The following CNTNAP2 variants were observed in gnomAD, a reference collection of about 807,000 sequenced individuals.
The protein encoded by CNTNAP2 is contactin-associated protein-like 2.
CNTNAP2 carries 98 observed loss-of-function variants against 155.2 expected under a neutral mutation model. That is an observed-to-expected ratio of 0.63 (90% CI 0.54 to 0.75). The LOEUF is 0.75. Among genes scored for constraint, CNTNAP2 ranks in the 30% least tolerant of loss-of-function variants. The probability of loss-of-function intolerance (pLI) is 0.00; values close to 1 mark genes in which losing one functional copy is unlikely to be tolerated. For synonymous variants in CNTNAP2, 651 were observed against 631.2 expected, an observed-to-expected ratio of 1.03 and a Z score of -0.47; for missense variants, 1,727 against 1,688.1, an observed-to-expected ratio of 1.02 and a Z score of -0.40.
intron 1 of CNTNAP2, among the ~76,000 whole-genome samples, chr7:146,163,473 CTATA>C (rs1447334781): frequency 6.8e-6 from 1 of 146,028 alleles, no homozygotes; most frequent in Non-Finnish European, 1.5e-5. Context: ...TTATATATAT[CTATA>C]TATATCTATC....
chr7:147,320,832 G>C (rs1306051224), intron 9 of CNTNAP2, among the ~76,000 whole-genome samples: 2 of 152,144 alleles, frequency 1.3e-5, no homozygotes, highest in African/African-American at 4.8e-5. Context: ...TATCTGAGAA[G>C]GGCATTCTGC....
At chr7:147,148,663 G>T (rs1028929218) in intron 8 of CNTNAP2, among the ~76,000 whole-genome samples, 1 of 152,180 alleles carries the variant, frequency 6.6e-6, no homozygotes, top group African/African-American at 2.4e-5. Context: ...CTTCCTTCCT[G>T]TGGGTTCGTG....
chr7:146,217,726 GA>G (rs1335601526), intron 1 of CNTNAP2, among the ~76,000 whole-genome samples: 1 of 152,138 alleles, frequency 6.6e-6, no homozygotes, highest in Non-Finnish European at 1.5e-5. Flanking sequence ...TGGGTGGGGG[GA>G]TTGAGACTGA....
chr7:148,105,289 G>A (rs1804183317), intron 15 of CNTNAP2, among the ~76,000 whole-genome samples: 1 of 152,142 alleles, frequency 6.6e-6, no homozygotes, highest in Admixed American at 6.5e-5. Flanking sequence ...TATATGAACT[G>A]AGAGAGAGAA....
At chr7:146,916,900 G>A (rs1424030978) in intron 3 of CNTNAP2, among the ~76,000 whole-genome samples, 3 of 152,046 alleles carry the variant, frequency 2.0e-5, no homozygotes, top group Non-Finnish European at 4.4e-5. Context: ...CCTCCTTGAG[G>A]TGTGACCTTA....
intron 1 of CNTNAP2, among the ~76,000 whole-genome samples, chr7:146,326,839 C>G (rs906988346): frequency 2.6e-5 from 4 of 152,190 alleles, no homozygotes; most frequent in African/African-American, 9.7e-5. Flanking sequence ...AGTTGGTTAA[C>G]ATGCTGTAAA....
At chr7:146,134,689 C>T (rs1272703496) in intron 1 of CNTNAP2, among the ~76,000 whole-genome samples, 28 of 149,922 alleles carry the variant, frequency 1.9e-4, no homozygotes, top group African/African-American at 6.1e-4. Context: ...TTGTCTTTGG[C>T]TCTGTTTATA....
At chr7:146,826,448 C>T (rs1257922109) in intron 2 of CNTNAP2, among the ~76,000 whole-genome samples, 1 of 152,020 alleles carries the variant, frequency 6.6e-6, no homozygotes, top group African/African-American at 2.4e-5. Flanking sequence ...CTTCCCGGGT[C>T]CCTTTGAAGC....
chr7:148,166,568 T>C (rs1011919643), intron 17 of CNTNAP2, among the ~76,000 whole-genome samples: 2 of 152,198 alleles, frequency 1.3e-5, no homozygotes, highest in African/African-American at 4.8e-5. Flanking sequence ...TGTCCCAGTC[T>C]TCTGTGCATT....
At chr7:147,653,102 T>C (rs1307650305) in intron 13 of CNTNAP2, among the ~76,000 whole-genome samples, 1 of 152,222 alleles carries the variant, frequency 6.6e-6, no homozygotes, top group African/African-American at 2.4e-5. Context: ...TACAGAGCAT[T>C]TGACTTTCAT....
At chr7:146,199,339 A>G (rs564288025) in intron 1 of CNTNAP2, among the ~76,000 whole-genome samples, 252 of 152,354 alleles carry the variant, frequency 1.7e-3, no homozygotes, top group Non-Finnish European at 2.0e-3. Context: ...GCCAGGGACT[A>G]AGAACTTGAG....
At chr7:146,610,578 T>C (rs1282040442) in intron 1 of CNTNAP2, among the ~76,000 whole-genome samples, 1 of 152,184 alleles carries the variant, frequency 6.6e-6, no homozygotes. Context: ...AATATTCTAC[T>C]ATCATCTCAA....
intron 3 of CNTNAP2, among the ~76,000 whole-genome samples, chr7:147,038,127 G>T (rs1216688111): frequency 6.6e-6 from 1 of 152,102 alleles, no homozygotes; most frequent in African/African-American, 2.4e-5. Flanking sequence ...CTGTACTCTA[G>T]CCTGGGTGAT....
At chr7:146,150,783 T>C (rs550159991) in intron 1 of CNTNAP2, among the ~76,000 whole-genome samples, 62 of 152,134 alleles carry the variant, frequency 4.1e-4, no homozygotes, top group South Asian at 6.2e-4. Context: ...GTGGAATGAG[T>C]CAATAATGCT....
intron 22 of CNTNAP2, among the ~76,000 whole-genome samples, chr7:148,387,136 AG>A (rs146072026): frequency 0.044 from 6,754 of 152,170 alleles, 190 homozygotes; most frequent in African/African-American, 0.074. Flanking sequence ...GCTTTTTGTC[AG>A]ATAAAGGAAG....
At chr7:148,373,871 C>G (rs1242746447) in intron 21 of CNTNAP2, among the ~76,000 whole-genome samples, 1 of 152,208 alleles carries the variant, frequency 6.6e-6, no homozygotes, top group Non-Finnish European at 1.5e-5. Flanking sequence ...CCCTTGGTGG[C>G]ATCCAGGGTG....
chr7:147,449,331 A>G (rs1174392138), intron 10 of CNTNAP2, among the ~76,000 whole-genome samples: 3 of 152,132 alleles, frequency 2.0e-5, no homozygotes, highest in Non-Finnish European at 2.9e-5. Context: ...GATTCCTCAG[A>G]ATGGCTACAA....
chr7:147,432,058 G>C (rs893753337), intron 10 of CNTNAP2, among the ~76,000 whole-genome samples: 15 of 152,120 alleles, frequency 9.9e-5, no homozygotes, highest in African/African-American at 3.6e-4. Flanking sequence ...CTTGTTTTCT[G>C]TGTAGGAAAA....
At chr7:146,829,635 A>AC (rs1484802381) in intron 2 of CNTNAP2, among the ~76,000 whole-genome samples, 2 of 152,090 alleles carry the variant, frequency 1.3e-5, no homozygotes, top group Non-Finnish European at 2.9e-5. Flanking sequence ...TAATCTGTAG[A>AC]CATAAAAGCA....
Sources: allele counts gnomAD v4.1 joint callset (sites outside exome capture counted in the v4.1 genomes callset), GRCh38; gene constraint gnomAD v4.1.1; transcripts MANE v1.5; gene names NCBI Gene and HGNC (gene_info 2026-07-23, HGNC 2026-07-21).